The following GALNT10 variants were observed in gnomAD, a reference collection of about 807,000 sequenced individuals.
The protein encoded by GALNT10 is polypeptide N-acetylgalactosaminyltransferase 10, also known as GalNAc transferase 10.
In GALNT10, 41 loss-of-function variants were observed where a neutral mutation model predicts 75.0. The observed-to-expected ratio is 0.55, with a 90% CI of 0.43 to 0.71. GALNT10 has a LOEUF of 0.71. Among genes scored for constraint, GALNT10 ranks in the 30% least tolerant of loss-of-function variants. GALNT10 has a pLI of 0.00. For missense variants in GALNT10, 727 were observed against 818.5 expected (o/e 0.89, Z 1.36); for synonymous variants, 302 against 313.0 (o/e 0.96, Z 0.37).
At chr5:154,230,759 A>C (rs1361539064) in intron 1 of GALNT10, among the ~76,000 whole-genome samples, 1 of 152,146 alleles carries the variant, frequency 6.6e-6, no homozygotes, top group East Asian at 1.9e-4. Context: ...CCTCCTGTGC[A>C]CTTCCTCTGC....
chr5:154,340,129 T>C (rs992320334), intron 4 of GALNT10, among the ~76,000 whole-genome samples: 1 of 152,224 alleles, frequency 6.6e-6, no homozygotes, highest in African/African-American at 2.4e-5. Context: ...GCTTCCTTAA[T>C]AACTAACCTG....
intron 1 of GALNT10, among the ~76,000 whole-genome samples, chr5:154,254,571 T>A (rs915304166): frequency 6.6e-6 from 1 of 151,712 alleles, no homozygotes; most frequent in Non-Finnish European, 1.5e-5. Context: ...GAAAGAGGGA[T>A]AACATCAAAT....
chr5:154,214,949 G>A (rs1752843000), intron 1 of GALNT10, among the ~76,000 whole-genome samples: 2 of 152,178 alleles, frequency 1.3e-5, no homozygotes, highest in South Asian at 4.1e-4. Flanking sequence ...ATGTTGCAGG[G>A]CTGTGGCAAT....
intron 7 of GALNT10, among the ~76,000 whole-genome samples, chr5:154,393,350 A>T (rs1373978333): frequency 2.6e-5 from 4 of 152,182 alleles, no homozygotes; most frequent in Non-Finnish European, 4.4e-5. Context: ...CTGGCATTAC[A>T]GGTATGAGCC....
At chr5:154,218,182 A>C (rs912548460) in intron 1 of GALNT10, 2 of 968,376 alleles carry the variant, frequency 2.1e-6, no homozygotes, top group African/African-American at 3.5e-5. Flanking sequence ...AGCCTGGGGC[A>C]CCTCCTCCCT....
intron 3 of GALNT10, among the ~76,000 whole-genome samples, chr5:154,310,501 G>A (rs112852829): frequency 6.6e-5 from 10 of 151,522 alleles, no homozygotes; most frequent in South Asian, 2.1e-4. Context: ...ACAGAGTCTC[G>A]CTCTGTCATC....
intron 7 of GALNT10, chr5:154,386,795 C>T (rs1042463343): frequency 8.6e-6 from 4 of 467,608 alleles, no homozygotes; most frequent in Non-Finnish European, 1.5e-5. Context: ...GAAGGCCAAA[C>T]AGGATACGTA....
At chr5:154,226,959 A>G (rs951319603) in intron 1 of GALNT10, among the ~76,000 whole-genome samples, 1 of 152,170 alleles carries the variant, frequency 6.6e-6, no homozygotes, top group East Asian at 1.9e-4. Flanking sequence ...TAAAAAAAAA[A>G]AAACTTCCTT....
rs34565845 is a variant in GALNT10, at chr5:154,261,267, G to GAAA, written c.160-33542_160-33540dup. On this transcript the variant is annotated intron_variant, in intron 1 of 11. Coordinates refer to ENST00000297107, the MANE Select transcript of GALNT10 (RefSeq NM_198321.4). ...GCTCATAAGTAGGTTTAAGCTAAAA[G>GAAA]AAAAAAAAACAGCATTAGTTCAACC... Among the ~76,000 whole-genome samples, 1,160 of 150,962 alleles carry GAAA rather than the reference G, an allele frequency of 7.7e-3. 19 individuals are homozygous for GAAA. The highest frequency in any genetic ancestry group is 0.027 in the African/African-American group (1,100 of 41,170).
At chr5:154,266,497 T>C (rs1363415237) in intron 1 of GALNT10, among the ~76,000 whole-genome samples, 2 of 151,722 alleles carry the variant, frequency 1.3e-5, no homozygotes, top group African/African-American at 4.8e-5. Context: ...CTATAGAGGA[T>C]TTAAATTTTC....
At chr5:154,229,170 T>C (rs547282383) in intron 1 of GALNT10, among the ~76,000 whole-genome samples, 1 of 152,314 alleles carries the variant, frequency 6.6e-6, no homozygotes, top group South Asian at 2.1e-4. Flanking sequence ...GTACTTACTT[T>C]TCCTATATTG....
At chr5:154,389,625 GATT>G (rs1438635670) in intron 7 of GALNT10, 1 of 151,132 alleles carries the variant, frequency 6.6e-6, no homozygotes, top group Admixed American at 6.6e-5. Context: ...TTTTAACTGG[GATT>G]ATTCTATTTT....
In GALNT10 at chr5:154,282,402, A is replaced by G. The variant is rs141788615; in HGVS notation, c.160-12414A>G. 2.7e-3 allele frequency among the ~76,000 whole-genome samples: 415 copies of G among 152,274 alleles called. 5 individuals carry two copies. Among genetic ancestry groups the G allele is most frequent in the African/African-American group, 9.4e-3 (392 of 41,554 alleles). ...ACTCGCCTCTCATTGACAGAACCCA[A>G]TCAAGCCACATCTAGCTACAAGGAT... On this transcript the variant is annotated intron_variant, in intron 1 of 11. Transcript: ENST00000297107.
chr5:154,331,906 C>G (rs1754872595), intron 4 of GALNT10, among the ~76,000 whole-genome samples: 1 of 152,154 alleles, frequency 6.6e-6, no homozygotes, highest in Non-Finnish European at 1.5e-5. Context: ...CTCATTTATT[C>G]TTGACAGCAG....
intron 1 of GALNT10, among the ~76,000 whole-genome samples, chr5:154,198,074 G>C (rs1278209660): frequency 2.0e-5 from 3 of 152,180 alleles, no homozygotes; most frequent in East Asian, 3.9e-4. Flanking sequence ...GAGCACATAA[G>C]GTCATGTGGT....
chr5:154,256,503 A>G (rs1031526175), intron 1 of GALNT10, among the ~76,000 whole-genome samples: 9 of 151,922 alleles, frequency 5.9e-5, no homozygotes, highest in African/African-American at 1.9e-4. Flanking sequence ...TCATATCACT[A>G]GGGAGTGGAA....
chr5:154,236,819 G>T (rs932191941), intron 1 of GALNT10, among the ~76,000 whole-genome samples: 4 of 152,214 alleles, frequency 2.6e-5, no homozygotes, highest in African/African-American at 9.7e-5. Context: ...CCCCAGGGTG[G>T]TTGATGGATG....
chr5:154,275,177 G>A (rs1486560584), intron 1 of GALNT10, among the ~76,000 whole-genome samples: 3 of 152,182 alleles, frequency 2.0e-5, no homozygotes, highest in Non-Finnish European at 4.4e-5. Flanking sequence ...TTACTGAGTT[G>A]CTCCTATTTC....
intron 3 of GALNT10, among the ~76,000 whole-genome samples, chr5:154,327,533 G>A (rs1380388980): frequency 6.6e-6 from 1 of 152,156 alleles, no homozygotes; most frequent in Non-Finnish European, 1.5e-5. Flanking sequence ...GGGTTTATTT[G>A]GGAACCAGTA....
Sources: gnomAD v4.1 joint callset for allele counts (sites outside exome capture counted in the v4.1 genomes callset) on GRCh38, gnomAD v4.1.1 for gene constraint, MANE v1.5 for transcripts, NCBI Gene and HGNC (gene_info 2026-07-23, HGNC 2026-07-21) for gene names.